Variants in DVL2 observed in about 807,000 individuals in gnomAD.
DVL2 encodes the protein dishevelled segment polarity protein 2.
Under a neutral mutation model 69.8 loss-of-function variants are expected in DVL2, and 38 were observed. The ratio of observed to expected loss-of-function variants is 0.54; its 90% CI spans 0.42 to 0.71. The LOEUF is 0.71. Ranked by LOEUF, DVL2 falls within the 30% of genes least tolerant of loss-of-function variation. The probability of loss-of-function intolerance (pLI) is 0.00; values close to 1 mark genes in which losing one functional copy is unlikely to be tolerated. For missense variants in DVL2, 931 were observed against 1,008.1 expected (o/e 0.92, Z 1.04); for synonymous variants, 428 against 392.4 (o/e 1.09, Z -1.07).
At chr17:7,228,927 A>G in intron 9 of DVL2, 42 bp downstream of exon 9, 4 of 1,597,112 alleles carry the variant, frequency 2.5e-6, no homozygotes, top group Non-Finnish European at 1.7e-6. Flanking sequence ...GAAAGAGAAA[A>G]AAAAAGAGGA....
rs2071475442 is a variant in DVL2, at chr17:7,227,506, T to C, written c.1261A>G (p.Thr421Ala). 1.2e-6 allele frequency: 2 copies of C among 1,614,024 alleles called. No homozygotes were observed. Among genetic ancestry groups the C allele is most frequent in the African/African-American group, 1.3e-5 (1 of 74,926 alleles). The change falls in exon 12 of 15, where the codon ACG becomes GCG. Residue 421 changes from threonine to alanine, a missense_variant. Physicochemically the swap from Thr to Ala is moderately conservative, Grantham distance 58 (BLOSUM62 0). This residue lies in a region of DVL2 where 555 missense variants were observed against 588.8 expected (regional missense o/e 0.94). Coordinates refer to ENST00000005340, the MANE Select transcript of DVL2 (RefSeq NM_004422.3). ...GCEGRGLSVHTDMASVTKAMA... is the reference protein window; with the variant it reads ...GCEGRGLSVHADMASVTKAMA... ...GCCTTGGTCACCGATGCCATGTCCG[T>C]ATGGACGGAGAGACCCCGGCCTTCA...
At position 7,227,779 on chromosome 17, in the gene DVL2, C is replaced by T. The variant is rs1428631037; in HGVS notation, c.1107G>A (p.Glu369=). ...PQAYFTLPRN[E]PIQPIDPAAW... The stretch of plus-strand genomic sequence containing the variant: ...CAGCAGGGTCAATTGGCTGGATGGG[C>T]TCATCTGGGACAAAGATGGCACCAA... Residue 369 remains glutamate, a synonymous_variant, in exon 11 of 15, where the codon GAG becomes GAA. Coordinates refer to ENST00000005340, the MANE Select transcript of DVL2 (RefSeq NM_004422.3). 3 of 1,572,406 alleles carry T rather than the reference C, an allele frequency of 1.9e-6. No homozygotes were observed. Among genetic ancestry groups the T allele is most frequent in the South Asian group, 2.3e-5 (2 of 86,578 alleles).
chr17:7,229,597 G>A lies in DVL2; in HGVS notation c.738C>T (p.Arg246=). 1 of 1,564,622 alleles carries A rather than the reference G, an allele frequency of 6.4e-7. No individual in the cohort carries two copies. The highest frequency in any genetic ancestry group is 8.6e-7 in the Non-Finnish European group (1 of 1,156,452). Residue 246 remains arginine, a synonymous_variant, in exon 6 of 15, where the codon CGC becomes CGT. Transcript: ENST00000005340. This position sits in a 1 kb window ranked among gnomAD's most constrained non-coding sequence, Gnocchi z 4.4. ...HRRRRKQRPP[R]LERTSSFSSV... is the part of the protein sequence containing the mutation. Reference sequence around the variant, plus strand: ...TGTAGGAACCCCTCACCCTCTCCAGGCGGGGTGGCCTCTGCTTCCTTCGCC... The same window carrying A: ...TGTAGGAACCCCTCACCCTCTCCAGACGGGGTGGCCTCTGCTTCCTTCGCC...
intron 9 of DVL2, chr17:7,228,595 T>C (rs1218838549): frequency 1.8e-5 from 4 of 217,682 alleles, no homozygotes; most frequent in African/African-American, 9.3e-5. Context: ...TTTTTTTTTT[T>C]TTTGAGACGG....
intron 9 of DVL2, chr17:7,228,700 G>A: frequency 2.4e-6 from 1 of 423,704 alleles, no homozygotes; most frequent in Non-Finnish European, 4.3e-6. Context: ...TCCTGTCTCA[G>A]CCACCTCACT....
In DVL2 at chr17:7,226,430, G is replaced by A. The variant is rs1339905602; in HGVS notation, c.1753C>T (p.His585Tyr). 1.3e-6 allele frequency: 2 copies of A among 1,534,538 alleles called. No individual in the cohort carries two copies. The highest frequency in any genetic ancestry group is 4.2e-5 in the Admixed American group (2 of 47,938). Residue 585 changes from histidine (H) to tyrosine (Y), a missense_variant, in exon 14 of 15, where the codon CAT becomes TAT. Coordinates refer to ENST00000005340, the MANE Select transcript of DVL2 (RefSeq NM_004422.3). ...TGTGGGGATGACTTACCCTCACTAT[G>A]CTGGCTGCTGGCACTGCCCCCACCA... is the stretch of plus-strand genomic sequence containing the variant. Reference protein sequence around the residue: ...TYGGGSASSQHSEGSRSSGST... With the variant: ...TYGGGSASSQYSEGSRSSGST...
intron 1 of DVL2, among the ~76,000 whole-genome samples, chr17:7,232,206 T>C (rs910323658): frequency 6.6e-6 from 1 of 152,202 alleles, no homozygotes. Context: ...TGAATAAACG[T>C]ATAAAGCATC....
rs200484916 is a variant in DVL2 at position 7,227,639 on chromosome 17, T to C, written c.1231+16A>G. ...CTTCTGCTGGGAGGGTGGGATGAGGTGGGCTGGCGGCTCACCATCAGGCAA... is the reference window on the plus strand; with the variant it reads ...CTTCTGCTGGGAGGGTGGGATGAGGCGGGCTGGCGGCTCACCATCAGGCAA... On this transcript the variant is annotated intron_variant, in intron 11 of 14. Transcript: ENST00000005340. 62 of 1,613,936 alleles carry C rather than the reference T, an allele frequency of 3.8e-5. No homozygotes were observed. Among genetic ancestry groups the C allele is most frequent in the Middle Eastern group, 3.3e-4 (2 of 6,084 alleles).
chr17:7,225,888 C>T lies in DVL2; in HGVS notation c.2188G>A (p.Glu730Lys), dbSNP rs1400645935. 7 of 1,613,776 alleles carry T rather than the reference C, an allele frequency of 4.3e-6. No homozygotes were observed. The highest frequency in any genetic ancestry group is 4.5e-5 in the East Asian group (2 of 44,878). The change falls in exon 15 of 15, where the codon GAG (glutamate) becomes AAG (lysine). Residue 730 changes from glutamate (E) to lysine (K), a missense_variant. Physicochemically the swap from Glu to Lys is moderately conservative, Grantham distance 56. This residue lies in a region of DVL2 where 314 missense variants were observed against 313.7 expected (regional missense o/e 1.00). Coordinates refer to ENST00000005340, the MANE Select transcript of DVL2 (RefSeq NM_004422.3). Reference sequence around the variant, plus strand: ...GGCTACATAACATCCACAAAGAACTCGCTGGGATTGCCCATGGCCATGTGG... The same window carrying T: ...GGCTACATAACATCCACAAAGAACTTGCTGGGATTGCCCATGGCCATGTGG... ...SFHMAMGNPSEFFVDVM is the reference protein window; with the variant it reads ...SFHMAMGNPSKFFVDVM
chr17:7,234,057 C>T lies in DVL2; in HGVS notation c.194+12G>A. The T allele has an allele frequency of 1.9e-6, 3 of 1,613,660 alleles. No homozygotes were observed. The highest frequency in any genetic ancestry group is 2.5e-6 in the Non-Finnish European group (3 of 1,179,988). ...AAAGCCCCCGCCGGTCCTATCTAGG[C>T]CTTGCGCTCACCCGAAATCCTGATC... On this transcript the variant is annotated intron_variant, in intron 1 of 14. Transcript: ENST00000005340.
Position 7,229,513 on chromosome 17 carries a change from T to A in DVL2, c.748-66A>T. On this transcript the variant is annotated intron_variant, in intron 6 of 14. Coordinates refer to ENST00000005340, the MANE Select transcript of DVL2 (RefSeq NM_004422.3). This position sits in a 1 kb window ranked among gnomAD's most constrained non-coding sequence, Gnocchi z 4.4. ...AGGGTCAACCCTGGGGTGCTGCCGGTGTCCTGGCACCGCCCAAACCAAAGC... is the reference window on the plus strand; with the variant it reads ...AGGGTCAACCCTGGGGTGCTGCCGGAGTCCTGGCACCGCCCAAACCAAAGC... 6.2e-7 allele frequency: 1 copy of A among 1,611,632 alleles called. No homozygotes were observed. The highest frequency in any genetic ancestry group is 8.5e-7 in the Non-Finnish European group (1 of 1,177,946).
intron 13 of DVL2, 37 bp downstream of exon 13, chr17:7,227,053 A>G: frequency 1.3e-6 from 2 of 1,572,862 alleles, no homozygotes; most frequent in Middle Eastern, 1.7e-4. Context: ...CAAGGTAGGC[A>G]AAGCCACACT....
In DVL2 at chr17:7,229,845, T is replaced by G. The variant is rs1212850132; in HGVS notation, c.619A>C (p.Ser207Arg). The change falls in exon 5 of 15, where the codon AGC (serine) becomes CGC (arginine). Residue 207 changes from serine (S) to arginine (R), a missense_variant. Transcript: ENST00000005340. This position sits in a 1 kb window ranked among gnomAD's most constrained non-coding sequence, Gnocchi z 4.4. ...TCCTCCTCGTCCGAGTCCCCCAGGCTGGTACTCTCCAGCTCGCTGGTCATG... is the reference window on the plus strand; with the variant it reads ...TCCTCCTCGTCCGAGTCCCCCAGGCGGGTACTCTCCAGCTCGCTGGTCATG... ...TLMTSELEST[S>R]LGDSDEEDTM... is the part of the protein sequence containing the mutation. The G allele has an allele frequency of 6.2e-7, 1 of 1,612,172 alleles. No individual in the cohort carries two copies. The highest frequency in any genetic ancestry group is 8.5e-7 in the Non-Finnish European group (1 of 1,179,940).
At position 7,234,146 on chromosome 17, in the gene DVL2, G is replaced by A. The variant is rs1335123707; in HGVS notation, c.117C>T (p.Thr39=). 1 of 1,614,102 alleles carries A rather than the reference G, an allele frequency of 6.2e-7. No homozygotes were observed. Among genetic ancestry groups the A allele is most frequent in the Admixed American group, 1.7e-5 (1 of 60,030 alleles). ...VKIPVPAERI[T]LGDFKSVLQR... is the part of the protein sequence containing the mutation. ...GCAGGACGCTCTTGAAATCGCCGAGGGTGATGCGCTCGGCGGGGACAGGGA... is the reference window on the plus strand; with the variant it reads ...GCAGGACGCTCTTGAAATCGCCGAGAGTGATGCGCTCGGCGGGGACAGGGA... Residue 39 remains threonine (T), a synonymous_variant, in exon 1 of 15, where the codon ACC becomes ACT. Transcript: ENST00000005340.
chr17:7,231,776 T>A (rs1597552399), intron 1 of DVL2, among the ~76,000 whole-genome samples: 1 of 148,934 alleles, frequency 6.7e-6, no homozygotes, highest in East Asian at 2.0e-4. Flanking sequence ...AGCAGGAGAA[T>A]CGCTTGAACC....
rs1463095150 is a variant in DVL2 at position 7,227,391 on chromosome 17, G to A, written c.1363+13C>T. 2 of 1,612,868 alleles carry A rather than the reference G, an allele frequency of 1.2e-6. No homozygotes were observed. Among genetic ancestry groups the A allele is most frequent in the Admixed American group, 3.3e-5 (2 of 60,000 alleles). Reference sequence around the variant, plus strand: ...TCCCCTTCTCCAGCCACCTGCCCAGGACCCAGCCATACCCAGAAAGGCATT... The same window carrying A: ...TCCCCTTCTCCAGCCACCTGCCCAGAACCCAGCCATACCCAGAAAGGCATT... On this transcript the variant is annotated intron_variant, in intron 12 of 14. Coordinates refer to ENST00000005340, the MANE Select transcript of DVL2 (RefSeq NM_004422.3).
Position 7,225,912 on chromosome 17 carries a change from G to T in DVL2, c.2164C>A (p.His722Asn). 6.2e-7 allele frequency: 1 copy of T among 1,613,980 alleles called. No homozygotes were observed. Among genetic ancestry groups the T allele is most frequent in the Non-Finnish European group, 8.5e-7 (1 of 1,180,040 alleles). ...TCGCTGGGATTGCCCATGGCCATGT[G>T]GAAGCTTTGGCGGCTGGCTGTCAGT... is the stretch of plus-strand genomic sequence containing the variant. The part of the protein sequence containing the change: ...PELTASRQSF[H>N]MAMGNPSEFF... Residue 722 changes from histidine to asparagine, a missense_variant, in exon 15 of 15, where the codon CAC becomes AAC. Physicochemically the swap from His to Asn is moderately conservative, Grantham distance 68 (BLOSUM62 1). This residue lies in a region of DVL2 where 314 missense variants were observed against 313.7 expected (regional missense o/e 1.00). Transcript: ENST00000005340.
chr17:7,226,281 C>T lies in DVL2; in HGVS notation c.1795G>A (p.Gly599Arg), dbSNP rs367563224. 7 of 1,592,514 alleles carry T rather than the reference C, an allele frequency of 4.4e-6. 1 individual carries two copies. Among genetic ancestry groups the T allele is most frequent in the South Asian group, 3.4e-5 (3 of 88,364 alleles). The stretch of plus-strand genomic sequence containing the variant: ...GGCCTCCCCGTGCGCCCTGCCCCCC[C>T]ATCACTCCGTGTCGACCCACTGCTC... ...SRSSGSTRSDGGAGRTGRPEE... is the reference protein window; with the variant it reads ...SRSSGSTRSDRGAGRTGRPEE... Residue 599 changes from glycine to arginine, a missense_variant, in exon 15 of 15, where the codon GGG (glycine) becomes AGG (arginine). Coordinates refer to ENST00000005340, the MANE Select transcript of DVL2 (RefSeq NM_004422.3).
At position 7,230,806 on chromosome 17, in the gene DVL2, C is replaced by G; in HGVS notation, c.195-9G>C. On this transcript the variant is annotated splice_polypyrimidine_tract_variant and intron_variant, in intron 1 of 14. Coordinates refer to ENST00000005340, the MANE Select transcript of DVL2 (RefSeq NM_004422.3). Reference sequence around the variant, plus strand: ...TTTCTTCCTTCACCACCCTGCCAAGCGACAAGGTAGAGGTCAGTGAGCTGG... The same window carrying G: ...TTTCTTCCTTCACCACCCTGCCAAGGGACAAGGTAGAGGTCAGTGAGCTGG... 6.2e-7 allele frequency: 1 copy of G among 1,611,076 alleles called. No homozygotes were observed. Among genetic ancestry groups the G allele is most frequent in the South Asian group, 1.1e-5 (1 of 90,798 alleles).
Sources: allele counts gnomAD v4.1 joint callset (sites outside exome capture counted in the v4.1 genomes callset), GRCh38; gene constraint gnomAD v4.1.1; regional missense constraint gnomAD v4.1.1; non-coding constraint Gnocchi (gnomAD v3.1); transcripts MANE v1.5; gene names NCBI Gene and HGNC (gene_info 2026-07-23, HGNC 2026-07-21).